ADGRL3: variants seen among roughly 807,000 people sequenced by gnomAD.
ADGRL3 encodes adhesion G protein-coupled receptor L3.
ADGRL3 carries 62 observed loss-of-function variants against 153.5 expected under a neutral mutation model. That is an observed-to-expected ratio of 0.40 (90% CI 0.33 to 0.50). ADGRL3 has a LOEUF of 0.50. ADGRL3 is among the 20% of genes least tolerant of loss of function. The probability of loss-of-function intolerance (pLI) is 0.47; values close to 1 mark genes in which losing one functional copy is unlikely to be tolerated. For synonymous variants in ADGRL3, 710 were observed against 672.5 expected (o/e 1.06, Z -0.86); for missense variants, 1,641 against 1,859.4 (o/e 0.88, Z 2.16).
intron 17 of ADGRL3, among the ~76,000 whole-genome samples, chr4:61,972,371 C>G (rs1187210920): frequency 9.2e-5 from 14 of 152,150 alleles, no homozygotes; most frequent in Non-Finnish European, 1.3e-4. Context: ...CAGCTTTCTA[C>G]ATATGGCTAG....
chr4:61,264,906 G>A (rs1222314600), intron 1 of ADGRL3, among the ~76,000 whole-genome samples: 2 of 151,916 alleles, frequency 1.3e-5, no homozygotes, highest in South Asian at 2.1e-4. Flanking sequence ...AGAAGGCCAA[G>A]GTCATAGGTC....
At chr4:62,042,229 C>A (rs1297194039) in intron 24 of ADGRL3, among the ~76,000 whole-genome samples, 1 of 151,442 alleles carries the variant, frequency 6.6e-6, no homozygotes, top group Non-Finnish European at 1.5e-5. Flanking sequence ...AGACATAAGA[C>A]ATTAAATATT....
intron 4 of ADGRL3, among the ~76,000 whole-genome samples, chr4:61,535,379 G>T (rs1277771750): frequency 6.6e-6 from 1 of 152,030 alleles, no homozygotes; most frequent in Non-Finnish European, 1.5e-5. Context: ...GTGTTCATCA[G>T]GGATATTGGT....
intron 5 of ADGRL3, among the ~76,000 whole-genome samples, chr4:61,649,669 G>C (rs561712308): frequency 6.6e-6 from 1 of 152,038 alleles, no homozygotes; most frequent in Non-Finnish European, 1.5e-5. Flanking sequence ...ATCCTTGTTT[G>C]TTTAAAATGA....
intron 1 of ADGRL3, among the ~76,000 whole-genome samples, chr4:61,289,041 A>G (rs556517045): frequency 6.6e-6 from 1 of 152,108 alleles, no homozygotes; most frequent in African/African-American, 2.4e-5. Context: ...AGATACCTAG[A>G]TATACGTACA....
intron 5 of ADGRL3, among the ~76,000 whole-genome samples, chr4:61,621,316 AT>A (rs1473147777): frequency 2.0e-5 from 3 of 152,050 alleles, no homozygotes; most frequent in Non-Finnish European, 1.5e-5. Flanking sequence ...TTTTGTCTTG[AT>A]TTTAAGCAGC....
intron 6 of ADGRL3, among the ~76,000 whole-genome samples, chr4:61,690,445 T>G (rs2151115873): frequency 6.6e-6 from 1 of 152,076 alleles, no homozygotes; most frequent in African/African-American, 2.4e-5. Flanking sequence ...ATTTTTTTTT[T>G]TAATTTAAAG....
chr4:61,354,075 G>A (rs2096112705), intron 1 of ADGRL3, among the ~76,000 whole-genome samples: 1 of 152,016 alleles, frequency 6.6e-6, no homozygotes, highest in Non-Finnish European at 1.5e-5. Context: ...TTTACTGGTT[G>A]CTTACTATGT....
At chr4:61,369,635 T>C (rs1427286284) in intron 1 of ADGRL3, among the ~76,000 whole-genome samples, 2 of 152,218 alleles carry the variant, frequency 1.3e-5, no homozygotes, top group African/African-American at 4.8e-5. Flanking sequence ...GGTTTGCCAG[T>C]ATTTTATTGA....
At chr4:61,554,361 T>G (rs1407326442) in intron 4 of ADGRL3, among the ~76,000 whole-genome samples, 2 of 151,766 alleles carry the variant, frequency 1.3e-5, no homozygotes, top group Non-Finnish European at 2.9e-5. Context: ...GTCTAGCTAA[T>G]TTTTTTGTAT....
rs543561404 is a variant in ADGRL3 at position 61,438,689 on chromosome 4, A to G, written c.-174+55500A>G. 1.2e-4 allele frequency among the ~76,000 whole-genome samples: 17 copies of G among 147,094 alleles called. No homozygotes were observed. In the South Asian group the frequency reaches 3.1e-3, roughly 26 times the overall value. ...AATTAAATACGTTTAGCAGAGTCAT[A>G]CTATGCTACGATCTTTCTTTCTTTT... On this transcript the variant is annotated intron_variant, in intron 2 of 26. Transcript: ENST00000683033.
chr4:61,724,637 A>G (rs1287926758), intron 6 of ADGRL3, among the ~76,000 whole-genome samples: 1 of 152,194 alleles, frequency 6.6e-6, no homozygotes, highest in Non-Finnish European at 1.5e-5. Context: ...TGAAAAACAT[A>G]ATTTAGAAGC....
chr4:62,069,899 C>A (rs1744935374), intron 26 of ADGRL3, among the ~76,000 whole-genome samples: 1 of 152,018 alleles, frequency 6.6e-6, no homozygotes. Flanking sequence ...ATATGATTTT[C>A]CCATTTATAT....
At chr4:62,013,108 A>T (rs1477748812) in intron 21 of ADGRL3, among the ~76,000 whole-genome samples, 1 of 152,160 alleles carries the variant, frequency 6.6e-6, no homozygotes, top group Non-Finnish European at 1.5e-5. Context: ...GAAACTAGGA[A>T]ATATTCAGCT....
intron 5 of ADGRL3, among the ~76,000 whole-genome samples, chr4:61,630,248 TATA>T (rs2093079021): frequency 6.6e-6 from 1 of 152,204 alleles, no homozygotes; most frequent in Admixed American, 6.5e-5. Flanking sequence ...TCCTAATTAA[TATA>T]ATGTTTCTTG....
chr4:61,316,655 C>T (rs1172751647), intron 1 of ADGRL3, among the ~76,000 whole-genome samples: 1 of 152,046 alleles, frequency 6.6e-6, no homozygotes, highest in Non-Finnish European at 1.5e-5. Flanking sequence ...CAGTTAGAAG[C>T]CTGCTGCAGT....
intron 9 of ADGRL3, among the ~76,000 whole-genome samples, chr4:61,863,564 A>T (rs2098370575): frequency 6.6e-6 from 1 of 152,092 alleles, no homozygotes; most frequent in South Asian, 2.1e-4. Flanking sequence ...CACTCATTCC[A>T]TTCCACCTCT....
intron 3 of ADGRL3, among the ~76,000 whole-genome samples, chr4:61,500,665 G>A (rs761818895): frequency 6.6e-6 from 1 of 152,130 alleles, no homozygotes; most frequent in South Asian, 2.1e-4. Context: ...ATTCTTCTGG[G>A]TAATGATCTG....
At chr4:61,952,986 A>G (rs1239941474) in intron 17 of ADGRL3, among the ~76,000 whole-genome samples, 1 of 152,214 alleles carries the variant, frequency 6.6e-6, no homozygotes, top group African/African-American at 2.4e-5. Context: ...TGGAATTCTT[A>G]TATCATAATC....
Sources: gnomAD v4.1 joint callset for allele counts (sites outside exome capture counted in the v4.1 genomes callset) on GRCh38, gnomAD v4.1.1 for gene constraint, MANE v1.5 for transcripts, NCBI Gene and HGNC (gene_info 2026-07-23, HGNC 2026-07-21) for gene names.